USP28: variants seen among roughly 807,000 people sequenced by gnomAD.
USP28 encodes the protein ubiquitin carboxyl-terminal hydrolase 28.
In USP28, 113 loss-of-function variants were observed where a neutral mutation model predicts 145.0. That is an observed-to-expected ratio of 0.78 (90% CI 0.67 to 0.91). The LOEUF (loss-of-function observed/expected upper bound fraction) is 0.91, where lower values mean the gene tolerates loss of function less well. Among genes scored for constraint, USP28 ranks in the 40% least tolerant of loss-of-function variants. The probability of loss-of-function intolerance (pLI) is 0.00; values close to 1 mark genes in which losing one functional copy is unlikely to be tolerated. For missense variants in USP28, 1,201 were observed against 1,289.6 expected (o/e 0.93, Z 1.05); for synonymous variants, 447 against 450.9 (o/e 0.99, Z 0.11).
chr11:113,852,157 C>T lies in USP28; in HGVS notation c.268+344G>A, dbSNP rs999189016. Among the ~76,000 whole-genome samples, 5 of 152,092 alleles carry T rather than the reference C, an allele frequency of 3.3e-5. No individual in the cohort carries two copies. The East Asian group carries it at 9.7e-4, about 29-fold the overall frequency. On this transcript the variant is annotated intron_variant, in intron 3 of 24. Coordinates refer to ENST00000003302, the Ensembl canonical transcript of USP28. ...CATTCTCCTGCCTCAGCCTCCCGAG[C>T]AGCTGGGACTACAGGTGCCCACCAC...
intron 10 of USP28, among the ~76,000 whole-genome samples, chr11:113,828,283 C>T (rs944587136): frequency 1.3e-5 from 2 of 152,218 alleles, no homozygotes; most frequent in East Asian, 1.9e-4. Flanking sequence ...ATAGAATTCC[C>T]ATCCTGGAAT....
chr11:113,831,670 T>A (rs1418056638), intron 8 of USP28, among the ~76,000 whole-genome samples: 1 of 151,946 alleles, frequency 6.6e-6, no homozygotes, highest in Non-Finnish European at 1.5e-5. Flanking sequence ...CTGAGTTTAT[T>A]AACAAAGTTA....
intron 11 of USP28, among the ~76,000 whole-genome samples, chr11:113,824,056 A>G (rs1352858170): frequency 6.6e-6 from 1 of 152,236 alleles, no homozygotes; most frequent in Non-Finnish European, 1.5e-5. Context: ...ATACATCAGA[A>G]CTAATAAGTG....
At chr11:113,857,723 CTAAT>C (rs1331107321) in intron 1 of USP28, among the ~76,000 whole-genome samples, 1 of 152,158 alleles carries the variant, frequency 6.6e-6, no homozygotes, top group African/African-American at 2.4e-5. Context: ...TACTAATTTA[CTAAT>C]TATTTACATT....
chr11:113,810,810 G>C (rs765947430), intron 16 of USP28, among the ~76,000 whole-genome samples: 14 of 152,200 alleles, frequency 9.2e-5, no homozygotes, highest in Non-Finnish European at 1.6e-4. Flanking sequence ...AAGTAGGTGG[G>C]ATTACAGGTG....
chr11:113,813,385 T>C (rs1231655447), intron 15 of USP28, among the ~76,000 whole-genome samples: 1 of 152,180 alleles, frequency 6.6e-6, no homozygotes, highest in Non-Finnish European at 1.5e-5. Context: ...TGGAGGCTCT[T>C]TACCCCTCCA....
At chr11:113,808,435 G>T in exon 18 of USP28, 1 of 1,613,866 alleles carries the variant, frequency 6.2e-7, no homozygotes, top group African/African-American at 1.3e-5. Flanking sequence ...GCTACTGAAG[G>T]CTCTGATAAA....
At chr11:113,853,918 A>G (rs35144767) in intron 2 of USP28, among the ~76,000 whole-genome samples, 29,580 of 147,898 alleles carry the variant, frequency 0.2, 3,196 homozygotes, top group African/African-American at 0.22. Flanking sequence ...TACCTTAAGA[A>G]TAACAACAGG....
At chr11:113,805,405 A>G (rs1939781150) in intron 19 of USP28, among the ~76,000 whole-genome samples, 1 of 151,534 alleles carries the variant, frequency 6.6e-6, no homozygotes, top group Admixed American at 6.6e-5. Context: ...ACAGGCATAT[A>G]CCACCATGCC....
chr11:113,806,571 G>C (rs556109035), exon 19 of USP28: 1 of 1,584,288 alleles, frequency 6.3e-7, no homozygotes, highest in South Asian at 1.2e-5. Flanking sequence ...TTGCATGGCA[G>C]GGCTCAGCAT....
chr11:113,827,487 A>T, intron 10 of USP28, 127 bp from the exon 11 acceptor site: 1 of 910,048 alleles, frequency 1.1e-6, no homozygotes, highest in Non-Finnish European at 1.6e-6. Context: ...AGGCAAACTC[A>T]TACTAGAACT....
At chr11:113,803,813 A>C in exon 22 of USP28, 1 of 1,613,200 alleles carries the variant, frequency 6.2e-7, no homozygotes, top group Non-Finnish European at 8.5e-7. Context: ...TTTTTGATAG[A>C]GTTCTAGGCC....
intron 16 of USP28, among the ~76,000 whole-genome samples, chr11:113,811,169 G>A (rs932547013): frequency 2.0e-5 from 3 of 152,186 alleles, no homozygotes; most frequent in Non-Finnish European, 4.4e-5. Context: ...TATTGACTAT[G>A]TGATTACTCA....
intron 12 of USP28, among the ~76,000 whole-genome samples, chr11:113,819,652 T>C (rs1454003411): frequency 6.6e-6 from 1 of 152,220 alleles, no homozygotes; most frequent in Non-Finnish European, 1.5e-5. Flanking sequence ...TTTTCCATTA[T>C]AAAAATGTAT....
intron 1 of USP28, among the ~76,000 whole-genome samples, chr11:113,868,780 A>T (rs1404291609): frequency 6.6e-6 from 1 of 151,796 alleles, no homozygotes; most frequent in Non-Finnish European, 1.5e-5. Context: ...AATATTAGCT[A>T]GGCATGGTGG....
chr11:113,822,605 C>T (rs905303458), intron 12 of USP28: 9 of 152,202 alleles, frequency 5.9e-5, no homozygotes, highest in Non-Finnish European at 1.5e-5. Flanking sequence ...CATGATACTG[C>T]ATCCAGTTGG....
At position 113,870,518 on chromosome 11, in the gene USP28, G is replaced by C. The variant is rs117997350; in HGVS notation, c.57+4927C>G. Among the ~76,000 whole-genome samples, 265 of 152,336 alleles carry C rather than the reference G, an allele frequency of 1.7e-3. 4 individuals carry two copies. In the East Asian group the frequency reaches 0.03, roughly 17 times the overall value. On this transcript the variant is annotated intron_variant, in intron 1 of 24. Coordinates refer to ENST00000003302, the Ensembl canonical transcript of USP28. ...CCCCAGTCTGGGTGACAGAGGGAGA[G>C]ATCCTGCCTTGGCAAAGTAGGCTGC...
intron 9 of USP28, 104 bp from the exon 10 acceptor site, chr11:113,829,449 T>G (rs1450391123): frequency 5.6e-6 from 8 of 1,424,178 alleles, no homozygotes; most frequent in Non-Finnish European, 7.6e-6. Flanking sequence ...AACTTCCTGA[T>G]AGCTGGTTAG....
At chr11:113,829,248 C>T (rs773010439) in exon 10 of USP28, 1 of 1,614,154 alleles carries the variant, frequency 6.2e-7, no homozygotes, top group Non-Finnish European at 8.5e-7. Flanking sequence ...CAACATCACC[C>T]TCCACCATGG....
Sources: gnomAD v4.1 joint callset for allele counts (sites outside exome capture counted in the v4.1 genomes callset) on GRCh38, gnomAD v4.1.1 for gene constraint, MANE v1.5 for transcripts, NCBI Gene and HGNC (gene_info 2026-07-23, HGNC 2026-07-21) for gene names.